The following CIAPIN1 variants were observed in gnomAD, a reference collection of about 807,000 sequenced individuals.
CIAPIN1 encodes anamorsin.
Under a neutral mutation model 34.3 loss-of-function variants are expected in CIAPIN1, and 18 were observed. That is an observed-to-expected ratio of 0.52 (90% CI 0.36 to 0.78). CIAPIN1 has a LOEUF of 0.78. Among genes scored for constraint, CIAPIN1 ranks in the 30% least tolerant of loss-of-function variants. The pLI is 0.00. For missense variants in CIAPIN1, 310 were observed against 372.5 expected, an observed-to-expected ratio of 0.83 and a Z score of 1.38; for synonymous variants, 131 against 140.4, an observed-to-expected ratio of 0.93 and a Z score of 0.47.
chr16:57,446,156 G>C (rs763883827), intron 1 of CIAPIN1, among the ~76,000 whole-genome samples: 2 of 152,100 alleles, frequency 1.3e-5, no homozygotes, highest in South Asian at 4.1e-4. Context: ...TTTTTAAAAA[G>C]TGAGAATCAA....
intron 5 of CIAPIN1, 25 bp downstream of exon 5, chr16:57,434,019 A>G (rs1354182593): frequency 1.2e-6 from 2 of 1,609,722 alleles, no homozygotes; most frequent in Non-Finnish European, 1.7e-6. Flanking sequence ...ATTCAAACAG[A>G]AGAATGTCCC....
chr16:57,433,980 C>T, intron 5 of CIAPIN1, 64 bp downstream of exon 5: 1 of 1,420,920 alleles, frequency 7.0e-7, no homozygotes, highest in South Asian at 1.2e-5. Context: ...TTATTGCTGG[C>T]TCAATTTCTA....
intron 7 of CIAPIN1, 188 bp from the exon 8 acceptor site, chr16:57,430,527 G>A (rs1903063789): frequency 8.3e-6 from 5 of 604,500 alleles, no homozygotes; most frequent in Admixed American, 2.8e-5. Context: ...AGGAGGATGA[G>A]GGAAGTACCG....
chr16:57,436,463 C>T (rs1324549513), intron 4 of CIAPIN1, among the ~76,000 whole-genome samples, 193 bp downstream of exon 4: 1 of 152,058 alleles, frequency 6.6e-6, no homozygotes. Context: ...CTCCTGAGCT[C>T]GTGATCCACC....
intron 1 of CIAPIN1, among the ~76,000 whole-genome samples, chr16:57,445,470 T>C (rs1258622878): frequency 6.6e-6 from 1 of 152,162 alleles, no homozygotes; most frequent in East Asian, 1.9e-4. Flanking sequence ...ATCTTGCCAC[T>C]GCACTCCAGC....
chr16:57,437,054 G>T (rs1261728046), intron 3 of CIAPIN1, among the ~76,000 whole-genome samples: 11 of 152,164 alleles, frequency 7.2e-5, no homozygotes, highest in African/African-American at 2.4e-4. Flanking sequence ...TTGAACCTGG[G>T]AGGCGGAGGT....
intron 1 of CIAPIN1, among the ~76,000 whole-genome samples, chr16:57,446,272 G>A (rs1178877601): frequency 6.6e-6 from 1 of 152,214 alleles, no homozygotes; most frequent in South Asian, 2.1e-4. Flanking sequence ...TTCAAAGATG[G>A]ATGGATAGAA....
chr16:57,444,808 TG>T (rs2029988514), intron 1 of CIAPIN1, among the ~76,000 whole-genome samples: 1 of 152,222 alleles, frequency 6.6e-6, no homozygotes, highest in Admixed American at 6.5e-5. Context: ...GTTGTGAATT[TG>T]TCTTTTAAAA....
intron 4 of CIAPIN1, among the ~76,000 whole-genome samples, chr16:57,436,008 C>T (rs1903190612): frequency 6.6e-6 from 1 of 152,164 alleles, no homozygotes; most frequent in Non-Finnish European, 1.5e-5. Context: ...CTATTCCAGC[C>T]TCCCACCAAA....
At chr16:57,437,532 T>C (rs1903231969) in intron 3 of CIAPIN1, among the ~76,000 whole-genome samples, 2 of 151,466 alleles carry the variant, frequency 1.3e-5, no homozygotes, top group African/African-American at 4.9e-5. Context: ...TTATTATTAT[T>C]ATTATTTTTG....
chr16:57,436,497 G>T (rs1332393905), intron 4 of CIAPIN1, among the ~76,000 whole-genome samples, 159 bp downstream of exon 4: 4 of 152,056 alleles, frequency 2.6e-5, no homozygotes, highest in African/African-American at 9.7e-5. Context: ...CAAAGTGCTG[G>T]GATTACAGAC....
At position 57,432,683 on chromosome 16, in the gene CIAPIN1, G is replaced by A. The variant is rs1325191940; in HGVS notation, c.557-123C>T. ...CACTGGCCTGGGAGGCAGAAGATGT[G>A]GGTTCACAGTCCAGCTCTACCCCTC... On this transcript the variant is annotated intron_variant, in intron 5 of 8. Coordinates refer to ENST00000394391, the MANE Select transcript of CIAPIN1 (RefSeq NM_020313.4). 29 of 886,686 alleles carry A rather than the reference G, an allele frequency of 3.3e-5. No homozygotes were observed. In the South Asian group the frequency reaches 4.3e-4, roughly 13 times the overall value. 54.9% of individuals were successfully genotyped at this position (886,686 alleles called of 1,614,324 possible).
intron 3 of CIAPIN1, among the ~76,000 whole-genome samples, chr16:57,438,199 T>G (rs1903246291): frequency 6.6e-6 from 1 of 152,228 alleles, no homozygotes; most frequent in Non-Finnish European, 1.5e-5. Flanking sequence ...TATTATTCTA[T>G]TTGATGAAAT....
At chr16:57,444,830 C>T (rs2029989169) in intron 1 of CIAPIN1, among the ~76,000 whole-genome samples, 1 of 152,072 alleles carries the variant, frequency 6.6e-6, no homozygotes, top group Non-Finnish European at 1.5e-5. Flanking sequence ...CAAAAAAACC[C>T]GTAAGGAAAA....
chr16:57,433,451 T>C (rs1398185362), intron 5 of CIAPIN1, among the ~76,000 whole-genome samples: 2 of 152,184 alleles, frequency 1.3e-5, no homozygotes, highest in African/African-American at 2.4e-5. Flanking sequence ...AAATATCTGT[T>C]AATGTCTGCA....
At chr16:57,434,330 G>A (rs1330968566) in intron 4 of CIAPIN1, 118 bp from the exon 5 acceptor site, 1 of 901,312 alleles carries the variant, frequency 1.1e-6, no homozygotes, top group Non-Finnish European at 1.8e-6. Context: ...ACAGTGGATG[G>A]TAACAGATAA....
chr16:57,443,702 C>T (rs1310232368), intron 1 of CIAPIN1, among the ~76,000 whole-genome samples: 5 of 152,150 alleles, frequency 3.3e-5, no homozygotes, highest in Non-Finnish European at 7.4e-5. Flanking sequence ...CTGCCCACCT[C>T]GGCCTCCCAA....
intron 1 of CIAPIN1, among the ~76,000 whole-genome samples, chr16:57,446,104 C>G (rs977138813): frequency 6.6e-6 from 1 of 152,224 alleles, no homozygotes; most frequent in African/African-American, 2.4e-5. Context: ...CCGCAGCCTC[C>G]CAAAGTGCTG....
chr16:57,438,805 G>C (rs1263134105), intron 3 of CIAPIN1, among the ~76,000 whole-genome samples: 4 of 152,150 alleles, frequency 2.6e-5, no homozygotes, highest in Non-Finnish European at 5.9e-5. Context: ...GTACAGTACA[G>C]AGCCTTTTGA....
Sources: gnomAD v4.1 joint callset for allele counts (sites outside exome capture counted in the v4.1 genomes callset) on GRCh38, gnomAD v4.1.1 for gene constraint, MANE v1.5 for transcripts, NCBI Gene and HGNC (gene_info 2026-07-23, HGNC 2026-07-21) for gene names.